The following RANBP17 variants were observed in gnomAD, a reference collection of about 807,000 sequenced individuals.
RANBP17 encodes RAN binding protein 17.
RANBP17 carries 158 observed loss-of-function variants against 141.2 expected under a neutral mutation model. The observed-to-expected ratio is 1.12, with a 90% CI of 0.98 to 1.28. The LOEUF (loss-of-function observed/expected upper bound fraction) is 1.28, where lower values mean the gene tolerates loss of function less well. RANBP17 is among the 50% of genes most tolerant of loss of function. The pLI is 0.00. For synonymous variants in RANBP17, 430 were observed against 450.0 expected (o/e 0.96, Z 0.56); for missense variants, 1,438 against 1,290.7 (o/e 1.11, Z -1.75).
chr5:171,284,742 A>AT (rs772545002), intron 25 of RANBP17: 2 of 152,106 alleles, frequency 1.3e-5, no homozygotes, highest in Non-Finnish European at 2.9e-5. Context: ...GATTCTGGCC[A>AT]TTTCTGTCTG....
chr5:171,248,260 G>A (rs987068962), intron 24 of RANBP17, among the ~76,000 whole-genome samples: 3 of 151,894 alleles, frequency 2.0e-5, no homozygotes, highest in Non-Finnish European at 4.4e-5. Flanking sequence ...TCAGCTACTC[G>A]GGAGACTGAG....
At chr5:170,989,970 A>G (rs1778395512) in intron 14 of RANBP17, among the ~76,000 whole-genome samples, 1 of 151,676 alleles carries the variant, frequency 6.6e-6, no homozygotes, top group Admixed American at 6.6e-5. Context: ...ATGAGCATGT[A>G]TTTTCTTGTT....
chr5:171,077,010 T>C (rs1383337231), intron 14 of RANBP17, among the ~76,000 whole-genome samples: 1 of 152,100 alleles, frequency 6.6e-6, no homozygotes, highest in Non-Finnish European at 1.5e-5. Flanking sequence ...TCATTGGCAA[T>C]GTAGAGACAA....
intron 25 of RANBP17, among the ~76,000 whole-genome samples, chr5:171,279,699 G>A (rs569889448): frequency 6.6e-6 from 1 of 151,932 alleles, no homozygotes; most frequent in Non-Finnish European, 1.5e-5. Flanking sequence ...GGGAGATAAG[G>A]CCAACACGGA....
chr5:171,058,263 A>G (rs1224894213), intron 14 of RANBP17, among the ~76,000 whole-genome samples: 1 of 147,500 alleles, frequency 6.8e-6, no homozygotes, highest in Non-Finnish European at 1.5e-5. Context: ...TGCACCCATT[A>G]ACTCATCATT....
At chr5:171,129,959 A>T (rs541262190) in intron 14 of RANBP17, among the ~76,000 whole-genome samples, 3 of 152,168 alleles carry the variant, frequency 2.0e-5, no homozygotes, top group Non-Finnish European at 2.9e-5. Context: ...TAATGAAACT[A>T]ATTTGTGCAA....
At chr5:170,953,553 C>T in intron 12 of RANBP17, 44 bp from the exon 13 acceptor site, 2 of 1,302,522 alleles carry the variant, frequency 1.5e-6, no homozygotes, top group Non-Finnish European at 2.2e-6. Context: ...AGCTACGTTT[C>T]TATGAATACT....
At position 171,125,312 on chromosome 5, in the gene RANBP17, A is replaced by AAG. The variant is rs1477944677; in HGVS notation, c.1711-44817_1711-44816insGA. 8.3e-4 allele frequency among the ~76,000 whole-genome samples: 124 copies of AAG among 148,894 alleles called. No homozygotes were observed. The Middle Eastern group carries it at 0.024, about 29-fold the overall frequency. On this transcript the variant is annotated intron_variant, in intron 14 of 27. Transcript: ENST00000523189. ...ACTATGTATCAAAAAAAAAAAAAAAAAAAGAAAGTGAAGGGATGGAAAAAG... is the reference window on the plus strand; with the variant it reads ...ACTATGTATCAAAAAAAAAAAAAAAAAGAAAGAAAGTGAAGGGATGGAAAAAG...
At chr5:171,275,849 C>T (rs2128031342) in intron 25 of RANBP17, among the ~76,000 whole-genome samples, 1 of 152,026 alleles carries the variant, frequency 6.6e-6, no homozygotes, top group East Asian at 1.9e-4. Context: ...GGATGAAATG[C>T]ACGTATGGAA....
At chr5:171,079,646 A>G (rs1313182857) in intron 14 of RANBP17, among the ~76,000 whole-genome samples, 1 of 152,208 alleles carries the variant, frequency 6.6e-6, no homozygotes, top group Non-Finnish European at 1.5e-5. Context: ...GCCAGCAAAA[A>G]AATTACAGTT....
intron 14 of RANBP17, among the ~76,000 whole-genome samples, chr5:171,017,006 T>C (rs1780484026): frequency 1.3e-5 from 2 of 151,774 alleles, no homozygotes; most frequent in African/African-American, 4.8e-5. Context: ...ATTCGGTGTT[T>C]GGTTTTCTGT....
At chr5:171,089,554 C>G (rs920103031) in intron 14 of RANBP17, among the ~76,000 whole-genome samples, 1 of 151,086 alleles carries the variant, frequency 6.6e-6, no homozygotes, top group Non-Finnish European at 1.5e-5. Flanking sequence ...GCCCCTCCCC[C>G]GGCCTCGCTG....
chr5:171,005,095 G>A (rs902084297), intron 14 of RANBP17, among the ~76,000 whole-genome samples: 6 of 152,192 alleles, frequency 3.9e-5, no homozygotes, highest in African/African-American at 1.4e-4. Flanking sequence ...TTTTTCTAAT[G>A]TCAGGAGCTG....
intron 14 of RANBP17, among the ~76,000 whole-genome samples, chr5:171,004,634 G>C (rs546053336): frequency 6.6e-6 from 1 of 152,204 alleles, no homozygotes; most frequent in Non-Finnish European, 1.5e-5. Context: ...CTTCCAAGGC[G>C]ATGGGCAGCA....
At chr5:171,041,604 A>G (rs2127635500) in intron 14 of RANBP17, among the ~76,000 whole-genome samples, 1 of 152,300 alleles carries the variant, frequency 6.6e-6, no homozygotes, top group South Asian at 2.1e-4. Context: ...GCTGCGTGGT[A>G]TAGCCTATTG....
intron 14 of RANBP17, chr5:171,158,449 A>G: frequency 5.3e-6 from 1 of 189,904 alleles, no homozygotes; most frequent in African/African-American, 2.3e-5. Context: ...GTTGACACCC[A>G]TTACAAAATT....
rs1287967064 is a variant in RANBP17, at chr5:170,909,666, T to C, written c.495T>C (p.Asp165=). Residue 165 remains aspartate (D), a synonymous_variant, in exon 6 of 28, where the codon GAT becomes GAC. Transcript: ENST00000523189. ...TTTCATCTTTATCTTTTTAGGTTGATTATTCTAGACCTTCAGCAAAACACA... is the reference window on the plus strand; with the variant it reads ...TTTCATCTTTATCTTTTTAGGTTGACTATTCTAGACCTTCAGCAAAACACA... ...SELTQEMNLV[D]YSRPSAKHRK... is the part of the protein sequence containing the mutation. The C allele has an allele frequency of 1.3e-6, 2 of 1,530,088 alleles. No homozygotes were observed. Among genetic ancestry groups the C allele is most frequent in the Non-Finnish European group, 1.8e-6 (2 of 1,116,040 alleles). The allele number at this position is 1,530,088 out of a possible 1,614,324, so 94.8% of individuals were successfully genotyped here.
At chr5:170,954,871 T>TC (rs370703679) in intron 13 of RANBP17, among the ~76,000 whole-genome samples, 71 of 151,848 alleles carry the variant, frequency 4.7e-4, no homozygotes, top group African/African-American at 1.6e-3. Context: ...GAACCAAGGG[T>TC]CCCCAACCCC....
At chr5:170,977,099 A>G (rs1777436360) in intron 14 of RANBP17, among the ~76,000 whole-genome samples, 1 of 152,114 alleles carries the variant, frequency 6.6e-6, no homozygotes, top group Admixed American at 6.5e-5. Flanking sequence ...TATATTTCAT[A>G]AAGGTCTCGC....
Sources: gnomAD v4.1 joint callset for allele counts (sites outside exome capture counted in the v4.1 genomes callset) on GRCh38, gnomAD v4.1.1 for gene constraint, MANE v1.5 for transcripts, NCBI Gene and HGNC (gene_info 2026-07-23, HGNC 2026-07-21) for gene names.